Variants in LRRC4C observed in about 807,000 individuals in gnomAD.
LRRC4C encodes the protein leucine-rich repeat-containing protein 4C.
A neutral mutation model predicts 33.6 loss-of-function variants in LRRC4C; 5 were observed. The observed-to-expected ratio is 0.15, with a 90% CI of 0.08 to 0.31. The LOEUF (loss-of-function observed/expected upper bound fraction) is 0.31, where lower values mean the gene tolerates loss of function less well. LRRC4C is among the 10% of genes least tolerant of loss of function. LRRC4C has a pLI of 1.00. For missense variants in LRRC4C, 560 were observed against 796.7 expected (o/e 0.70, Z 3.58); for synonymous variants, 329 against 302.0 (o/e 1.09, Z -0.93).
Position 40,394,159 on chromosome 11 carries a change from G to A in LRRC4C, c.-269-74438C>T, listed in dbSNP as rs554020070. Among the ~76,000 whole-genome samples the A allele has an allele frequency of 2.6e-5, 4 of 152,170 alleles. No homozygotes were observed. In the South Asian group the frequency reaches 6.2e-4, roughly 24 times the overall value. On this transcript the variant is annotated intron_variant, in intron 3 of 6. Coordinates refer to ENST00000528697, the MANE Select transcript of LRRC4C (RefSeq NM_001258419.2). ...CAAATAGAGTGACAGCAAGAAGGTGGTTCAGGACCCCATTGCTCCAGTTTT... is the reference window on the plus strand; with the variant it reads ...CAAATAGAGTGACAGCAAGAAGGTGATTCAGGACCCCATTGCTCCAGTTTT...
intron 4 of LRRC4C, among the ~76,000 whole-genome samples, chr11:40,254,405 A>C (rs1867036535): frequency 6.6e-6 from 1 of 152,182 alleles, no homozygotes; most frequent in Non-Finnish European, 1.5e-5. Flanking sequence ...AGACAGCAGA[A>C]TTTCAGCCAC....
rs186367009 is a variant in LRRC4C, at chr11:40,190,655, A to C, written c.-95-49802T>G. Among the ~76,000 whole-genome samples, 144 of 152,302 alleles carry C rather than the reference A, an allele frequency of 9.5e-4. 1 individual carries two copies. Among genetic ancestry groups the C allele is most frequent in the African/African-American group, 3.4e-3 (141 of 41,564 alleles). On this transcript the variant is annotated intron_variant, in intron 5 of 6. Transcript: ENST00000528697. Reference sequence around the variant, plus strand: ...TTTTAATATGTGACAATTCCTGAAGAAATGGGGCTGGGGGGGATTTTAATG... The same window carrying C: ...TTTTAATATGTGACAATTCCTGAAGCAATGGGGCTGGGGGGGATTTTAATG...
In LRRC4C at chr11:41,159,117, T is replaced by C. The variant is rs184490180; in HGVS notation, c.-495-225394A>G. Among the ~76,000 whole-genome samples the C allele has an allele frequency of 6.9e-4, 105 of 152,082 alleles. 2 individuals carry two copies. The highest frequency in any genetic ancestry group is 2.5e-3 in the African/African-American group (104 of 41,504). On this transcript the variant is annotated intron_variant, in intron 1 of 6. Coordinates refer to ENST00000528697, the MANE Select transcript of LRRC4C (RefSeq NM_001258419.2). ...CAGGGCAACATAGGGAGACCTGCAT[T>C]TCTACAAAAATAATTTAGAAAAACT...
At chr11:40,423,203 G>T (rs1950583037) in intron 3 of LRRC4C, among the ~76,000 whole-genome samples, 3 of 152,048 alleles carry the variant, frequency 2.0e-5, no homozygotes, top group Admixed American at 2.0e-4. Context: ...TTAAGAAAGT[G>T]ATAACACAGA....
intron 4 of LRRC4C, among the ~76,000 whole-genome samples, chr11:40,254,167 G>C (rs1358461426): frequency 6.6e-6 from 1 of 152,158 alleles, no homozygotes; most frequent in East Asian, 1.9e-4. Context: ...TGCCAATAAA[G>C]CTCCAAACTA....
intron 1 of LRRC4C, among the ~76,000 whole-genome samples, chr11:40,994,479 A>T (rs1005428852): frequency 5.9e-5 from 9 of 152,086 alleles, no homozygotes; most frequent in African/African-American, 2.2e-4. Context: ...GGTGACGGTG[A>T]TCCTTTCAGA....
chr11:40,946,394 G>GT (rs1565229126), intron 1 of LRRC4C, among the ~76,000 whole-genome samples: 1 of 152,066 alleles, frequency 6.6e-6, no homozygotes, highest in East Asian at 1.9e-4. Flanking sequence ...TGTTATAAAC[G>GT]TATCAGTGTA....
intron 2 of LRRC4C, among the ~76,000 whole-genome samples, chr11:40,764,538 T>G (rs1031282114): frequency 2.6e-5 from 4 of 152,108 alleles, no homozygotes; most frequent in African/African-American, 9.7e-5. Context: ...GGGAGAGAGC[T>G]TACCGCCTTG....
chr11:40,683,919 C>T (rs1379519796), intron 2 of LRRC4C, among the ~76,000 whole-genome samples: 1 of 152,192 alleles, frequency 6.6e-6, no homozygotes, highest in Non-Finnish European at 1.5e-5. Context: ...AAATGCATCA[C>T]ATCTATGGGA....
chr11:40,570,976 G>T (rs921629145), intron 3 of LRRC4C, among the ~76,000 whole-genome samples: 1 of 151,958 alleles, frequency 6.6e-6, no homozygotes, highest in Admixed American at 6.6e-5. Flanking sequence ...ACTTTCTTTT[G>T]TTTAATGTTT....
At chr11:40,552,898 T>A (rs1957181720) in intron 3 of LRRC4C, among the ~76,000 whole-genome samples, 1 of 152,132 alleles carries the variant, frequency 6.6e-6, no homozygotes, top group African/African-American at 2.4e-5. Flanking sequence ...TAATAATCAT[T>A]TTAGTCTTGA....
intron 1 of LRRC4C, chr11:41,394,531 C>T (rs1953730159): frequency 6.6e-6 from 1 of 151,866 alleles, no homozygotes. Context: ...GTTCTCCAAT[C>T]AGCTCATCAG....
chr11:40,537,921 T>G (rs1172493592), intron 3 of LRRC4C, among the ~76,000 whole-genome samples: 1 of 152,154 alleles, frequency 6.6e-6, no homozygotes, highest in Non-Finnish European at 1.5e-5. Flanking sequence ...AGCCATCAAC[T>G]TGAGAGTCTG....
intron 3 of LRRC4C, among the ~76,000 whole-genome samples, chr11:40,421,990 T>C (rs1950539325): frequency 1.3e-5 from 2 of 152,242 alleles, no homozygotes; most frequent in African/African-American, 4.8e-5. Context: ...GCCCACTGTT[T>C]CAGTGATTGT....
At chr11:40,644,969 G>A (rs1038023554) in intron 3 of LRRC4C, among the ~76,000 whole-genome samples, 12 of 151,462 alleles carry the variant, frequency 7.9e-5, no homozygotes, top group Non-Finnish European at 1.8e-4. Flanking sequence ...ACAACTACAT[G>A]TGAATGTACA....
chr11:40,985,333 C>G lies in LRRC4C; in HGVS notation c.-495-51610G>C, dbSNP rs533249898. 2.6e-5 allele frequency among the ~76,000 whole-genome samples: 4 copies of G among 151,364 alleles called. No homozygotes were observed. The East Asian group carries it at 7.8e-4, about 29-fold the overall frequency. ...GTGACTGAAAGATACATTTATCTTC[C>G]TTTTTGTTTTTGTTGTTTTGTGTTT... On this transcript the variant is annotated intron_variant, in intron 1 of 6. Transcript: ENST00000528697.
intron 2 of LRRC4C, among the ~76,000 whole-genome samples, chr11:40,858,016 A>AAG (rs749260838): frequency 2.9e-5 from 4 of 139,226 alleles, no homozygotes; most frequent in African/African-American, 1.1e-4. Context: ...GGACAAGGAA[A>AAG]GGAAGGGAAG....
At chr11:41,220,176 G>GTACCAGGCATGCTTTGTACC (rs1947239416) in intron 1 of LRRC4C, among the ~76,000 whole-genome samples, 1 of 152,088 alleles carries the variant, frequency 6.6e-6, no homozygotes, top group Admixed American at 6.5e-5. Context: ...AATGTTTCTT[G>GTACCAGGCATGCTTTGTACC]AGAGCTTACT....
chr11:40,768,356 G>C (rs924597046), intron 2 of LRRC4C, among the ~76,000 whole-genome samples: 1 of 151,960 alleles, frequency 6.6e-6, no homozygotes, highest in Non-Finnish European at 1.5e-5. Context: ...TTGGGACCTG[G>C]TGGTTTCACT....
Sources: gnomAD v4.1 joint callset for allele counts (sites outside exome capture counted in the v4.1 genomes callset) on GRCh38, gnomAD v4.1.1 for gene constraint, MANE v1.5 for transcripts, NCBI Gene and HGNC (gene_info 2026-07-23, HGNC 2026-07-21) for gene names.